Variants in TPRG1 observed in about 807,000 individuals in gnomAD.
TPRG1 encodes the protein tumor protein p63 regulated 1.
A neutral mutation model predicts 29.3 loss-of-function variants in TPRG1; 29 were observed. The ratio of observed to expected loss-of-function variants is 0.99; its 90% CI spans 0.74 to 1.35. The LOEUF (loss-of-function observed/expected upper bound fraction) is 1.35, where lower values mean the gene tolerates loss of function less well. TPRG1 is among the 40% of genes most tolerant of loss of function. The probability of loss-of-function intolerance (pLI) is 0.00; values close to 1 mark genes in which losing one functional copy is unlikely to be tolerated. For synonymous variants in TPRG1, 130 were observed against 116.8 expected (o/e 1.11, Z -0.73); for missense variants, 327 against 335.0 (o/e 0.98, Z 0.19).
intron 2 of TPRG1, among the ~76,000 whole-genome samples, chr3:189,004,003 G>A (rs188789970): frequency 1.8e-4 from 27 of 152,154 alleles, no homozygotes; most frequent in South Asian, 1.2e-3. Context: ...CATTTTGTCC[G>A]AGTAAAACTC....
At chr3:189,090,660 C>T (rs991503360) in intron 4 of TPRG1, among the ~76,000 whole-genome samples, 2 of 151,872 alleles carry the variant, frequency 1.3e-5, no homozygotes, top group Admixed American at 1.3e-4. Flanking sequence ...AACTTTTCCC[C>T]TTGAGTTCTG....
intron 3 of TPRG1, among the ~76,000 whole-genome samples, chr3:189,230,188 T>C (rs962370168): frequency 3.9e-5 from 6 of 152,172 alleles, no homozygotes; most frequent in Non-Finnish European, 7.3e-5. Context: ...TTTACTTTTG[T>C]GTAGCATTTA....
chr3:189,130,040 G>T (rs1722931037), intron 2 of TPRG1, among the ~76,000 whole-genome samples: 1 of 152,154 alleles, frequency 6.6e-6, no homozygotes, highest in Non-Finnish European at 1.5e-5. Context: ...TGATTATGTT[G>T]ATGACTATGG....
In TPRG1 at chr3:189,312,141, CTT is replaced by C. The variant is rs1226240249; in HGVS notation, c.633+1604_633+1605del. 1.9e-3 allele frequency among the ~76,000 whole-genome samples: 75 copies of C among 39,752 alleles called. 1 individual carries two copies. Among genetic ancestry groups the C allele is most frequent in the African/African-American group, 4.6e-3 (43 of 9,344 alleles). 26.1% of individuals were successfully genotyped at this position (39,752 alleles called of 152,430 possible). ...TGTTTCTTTCTTTCTTTCTTTCTTT[CTT>C]TCTTTCTTTCTTTCTTTCTTTCTTT... On this transcript the variant is annotated intron_variant, in intron 5 of 5. Coordinates refer to ENST00000345063, the MANE Select transcript of TPRG1 (RefSeq NM_198485.4).
intron 4 of TPRG1, among the ~76,000 whole-genome samples, chr3:189,272,709 CTT>C (rs1491395419): frequency 1.2e-3 from 153 of 126,966 alleles, no homozygotes; most frequent in Non-Finnish European, 1.9e-3. Context: ...TTCTTTCTTT[CTT>C]TCTCCTTCCT....
chr3:189,185,456 G>A (rs1578715266), intron 1 of TPRG1, among the ~76,000 whole-genome samples: 1 of 152,182 alleles, frequency 6.6e-6, no homozygotes, highest in East Asian at 1.9e-4. Flanking sequence ...AAACTCCTGG[G>A]CTCAAGCGAT....
intron 4 of TPRG1, among the ~76,000 whole-genome samples, chr3:189,308,368 G>T (rs1721941695): frequency 6.6e-6 from 1 of 152,094 alleles, no homozygotes; most frequent in Admixed American, 6.6e-5. Flanking sequence ...AGTATTTCTG[G>T]TCATAAAGGC....
At chr3:189,312,178 TTTCTTTTTTTCTTTC>T (rs1722751889) in intron 5 of TPRG1, among the ~76,000 whole-genome samples, 92 of 59,914 alleles carry the variant, frequency 1.5e-3, no homozygotes, top group African/African-American at 5.9e-3. Flanking sequence ...TCTTTCTTTC[TTTCTTTTTTTCTTTC>T]TTTCTTTCTT....
At chr3:189,043,749 T>C (rs73201317) in intron 4 of TPRG1, among the ~76,000 whole-genome samples, 283 of 152,222 alleles carry the variant, frequency 1.9e-3, no homozygotes, top group Non-Finnish European at 3.1e-3. Context: ...GCATTTCTGC[T>C]TGGGGCTAGT....
intron 1 of TPRG1, chr3:189,121,422 CT>C (rs1028060374): frequency 4.6e-5 from 7 of 152,170 alleles, no homozygotes; most frequent in African/African-American, 1.7e-4. Context: ...TTCTGTACCC[CT>C]CCTTCTCTTT....
chr3:189,018,306 A>G (rs1240703273), intron 3 of TPRG1, among the ~76,000 whole-genome samples: 2 of 149,440 alleles, frequency 1.3e-5, no homozygotes, highest in African/African-American at 4.9e-5. Flanking sequence ...GTCCTTGCCC[A>G]TGCCTATGTC....
intron 5 of TPRG1, among the ~76,000 whole-genome samples, chr3:189,313,608 A>G (rs1723038080): frequency 6.6e-6 from 1 of 152,208 alleles, no homozygotes; most frequent in Non-Finnish European, 1.5e-5. Flanking sequence ...AAAATACATG[A>G]AAATATTCAA....
intron 4 of TPRG1, chr3:189,150,509 C>T (rs561615850): frequency 6.6e-6 from 1 of 152,210 alleles, no homozygotes; most frequent in South Asian, 2.1e-4. Context: ...TGTTGATTTA[C>T]CTGCTTCAGC....
chr3:189,165,018 C>T (rs954588858), intron 5 of TPRG1, among the ~76,000 whole-genome samples: 2 of 152,168 alleles, frequency 1.3e-5, no homozygotes, highest in African/African-American at 4.8e-5. Context: ...TAGCTAGCTC[C>T]AGCCCCCATC....
At chr3:189,315,804 A>G in intron 5 of TPRG1, 1 of 184,050 alleles carries the variant, frequency 5.4e-6, no homozygotes, top group Non-Finnish European at 1.2e-5. Context: ...AATAAAACTG[A>G]TTTTGCCCTA....
In TPRG1 at chr3:189,282,536, T is replaced by C. The variant is rs557301786; in HGVS notation, c.480-27850T>C. The stretch of plus-strand genomic sequence containing the variant: ...TTAATTCTTTCTTCCTCTCTCCCCC[T>C]TTTCTCTCGTTCTCTCTTCTCTCTC... On this transcript the variant is annotated intron_variant, in intron 4 of 5. Transcript: ENST00000345063. 1.8e-4 allele frequency among the ~76,000 whole-genome samples: 28 copies of C among 152,260 alleles called. No individual in the cohort carries two copies. In the East Asian group the frequency reaches 5.0e-3, roughly 27 times the overall value.
At chr3:189,098,940 C>G (rs1364890970), upstream of TPRG1, among the ~76,000 whole-genome samples, 2 of 152,126 alleles carry the variant, frequency 1.3e-5, no homozygotes, top group Non-Finnish European at 2.9e-5. Context: ...AAATCAGAAT[C>G]TTTGGGAGCC....
chr3:189,024,895 A>G (rs1222106431), intron 4 of TPRG1, among the ~76,000 whole-genome samples: 1 of 152,206 alleles, frequency 6.6e-6, no homozygotes, highest in African/African-American at 2.4e-5. Flanking sequence ...AGTTGTCCAA[A>G]TGACAGAGCC....
chr3:189,287,782 A>C (rs1249892023), intron 4 of TPRG1, among the ~76,000 whole-genome samples: 1 of 152,114 alleles, frequency 6.6e-6, no homozygotes, highest in Non-Finnish European at 1.5e-5. Flanking sequence ...CAGCATTTTC[A>C]ATAAAAAGGC....
Sources: allele counts gnomAD v4.1 joint callset (sites outside exome capture counted in the v4.1 genomes callset), GRCh38; gene constraint gnomAD v4.1.1; transcripts MANE v1.5; gene names NCBI Gene and HGNC (gene_info 2026-07-23, HGNC 2026-07-21).